FBXL17: variants seen among roughly 807,000 people sequenced by gnomAD.
The protein encoded by FBXL17 is F-box and leucine rich repeat protein 17.
In FBXL17, 22 loss-of-function variants were observed where a neutral mutation model predicts 66.2. The observed-to-expected ratio is 0.33, with a 90% CI of 0.24 to 0.47. FBXL17 has a LOEUF of 0.47. Among genes scored for constraint, FBXL17 ranks in the 20% least tolerant of loss-of-function variants. The pLI, the probability that FBXL17 is intolerant of heterozygous loss-of-function variation, is 1.00. For synonymous variants in FBXL17, 474 were observed against 400.5 expected, an observed-to-expected ratio of 1.18 and a Z score of -2.19; for missense variants, 878 against 948.2, an observed-to-expected ratio of 0.93 and a Z score of 0.97.
At chr5:108,357,246 G>C (rs1279882454) in intron 3 of FBXL17, among the ~76,000 whole-genome samples, 2 of 152,042 alleles carry the variant, frequency 1.3e-5, no homozygotes, top group Non-Finnish European at 2.9e-5. Context: ...GGGATAAAGA[G>C]GGACATACAT....
At chr5:107,888,110 C>CA (rs1157870859) in intron 7 of FBXL17, among the ~76,000 whole-genome samples, 1 of 152,180 alleles carries the variant, frequency 6.6e-6, no homozygotes, top group Non-Finnish European at 1.5e-5. Flanking sequence ...ACACTGACCA[C>CA]ACTCTAAAAC....
At chr5:108,349,430 G>GA (rs1171074431) in intron 3 of FBXL17, among the ~76,000 whole-genome samples, 48 of 150,520 alleles carry the variant, frequency 3.2e-4, no homozygotes, top group Non-Finnish European at 6.7e-4. Flanking sequence ...GCTTTTGTAA[G>GA]AAAAAAAAAC....
At chr5:108,102,353 T>C (rs561112806) in intron 6 of FBXL17, among the ~76,000 whole-genome samples, 1 of 152,332 alleles carries the variant, frequency 6.6e-6, no homozygotes, top group African/African-American at 2.4e-5. Flanking sequence ...ACTTTATGTC[T>C]ATCATATTTT....
At chr5:107,985,280 T>G (rs1181715827) in intron 7 of FBXL17, among the ~76,000 whole-genome samples, 1 of 152,186 alleles carries the variant, frequency 6.6e-6, no homozygotes, top group African/African-American at 2.4e-5. Flanking sequence ...CCTATTTCAG[T>G]TTTTGAAAGA....
chr5:107,992,873 A>G (rs1048566424), intron 7 of FBXL17, among the ~76,000 whole-genome samples: 3 of 151,986 alleles, frequency 2.0e-5, no homozygotes, highest in Non-Finnish European at 4.4e-5. Flanking sequence ...ACCCAGCATA[A>G]CAATAATTAC....
At chr5:108,104,117 C>T (rs902283501) in intron 6 of FBXL17, among the ~76,000 whole-genome samples, 6 of 152,138 alleles carry the variant, frequency 3.9e-5, no homozygotes, top group Admixed American at 3.3e-4. Context: ...CTCACTGCAA[C>T]CTCCACCTCC....
chr5:107,911,386 A>T (rs1385698508), intron 7 of FBXL17, among the ~76,000 whole-genome samples: 1 of 152,148 alleles, frequency 6.6e-6, no homozygotes, highest in Non-Finnish European at 1.5e-5. Flanking sequence ...TAAAGACTTA[A>T]ACCTTAAAAG....
At chr5:108,211,400 G>T (rs1458622068) in intron 5 of FBXL17, among the ~76,000 whole-genome samples, 2 of 152,172 alleles carry the variant, frequency 1.3e-5, no homozygotes, top group African/African-American at 4.8e-5. Flanking sequence ...CTCGTTAGTT[G>T]ATGGAGTTTC....
At chr5:108,364,429 C>T (rs1316633717) in intron 3 of FBXL17, among the ~76,000 whole-genome samples, 5 of 151,858 alleles carry the variant, frequency 3.3e-5, no homozygotes, top group Admixed American at 3.3e-4. Context: ...TTTAAAACCT[C>T]ATGCTGACCA....
At chr5:107,873,167 C>T (rs944152183) in intron 8 of FBXL17, among the ~76,000 whole-genome samples, 14 of 152,254 alleles carry the variant, frequency 9.2e-5, no homozygotes, top group Admixed American at 2.6e-4. Context: ...TAGAGGACCA[C>T]AGCTGAAAGC....
intron 7 of FBXL17, among the ~76,000 whole-genome samples, chr5:107,981,959 A>C (rs1478377681): frequency 6.6e-6 from 1 of 152,186 alleles, no homozygotes; most frequent in African/African-American, 2.4e-5. Flanking sequence ...AGAGGTCTAA[A>C]CTAAGGCTGA....
rs572569365 is a variant in FBXL17 at position 108,086,644 on chromosome 5, C to T, written c.1746-65643G>A. On this transcript the variant is annotated intron_variant, in intron 6 of 8. Transcript: ENST00000542267. Reference sequence around the variant, plus strand: ...CATGATCTCCGATCACTGCGACCTCCGCCTCCTGGGTTCAAGTGATTCTCC... The same window carrying T: ...CATGATCTCCGATCACTGCGACCTCTGCCTCCTGGGTTCAAGTGATTCTCC... Among the ~76,000 whole-genome samples the T allele has an allele frequency of 6.6e-5, 10 of 152,168 alleles. No individual in the cohort carries two copies. The South Asian group carries it at 1.7e-3, about 25-fold the overall frequency.
At chr5:107,867,971 T>C (rs920322627) in intron 8 of FBXL17, among the ~76,000 whole-genome samples, 1 of 152,204 alleles carries the variant, frequency 6.6e-6, no homozygotes, top group Non-Finnish European at 1.5e-5. Context: ...TTGAAAACAA[T>C]TTGTTAATAT....
At chr5:108,293,350 AAAAC>A (rs1417351732) in intron 4 of FBXL17, among the ~76,000 whole-genome samples, 1 of 152,182 alleles carries the variant, frequency 6.6e-6, no homozygotes, top group Admixed American at 6.5e-5. Flanking sequence ...TTTCACATCT[AAAAC>A]AAAGTGTGAA....
intron 7 of FBXL17, among the ~76,000 whole-genome samples, chr5:107,896,578 T>G (rs1749390790): frequency 6.6e-6 from 1 of 152,180 alleles, no homozygotes; most frequent in African/African-American, 2.4e-5. Flanking sequence ...GTCTATTTTT[T>G]TATCATGTTT....
intron 4 of FBXL17, among the ~76,000 whole-genome samples, chr5:108,330,353 T>C (rs1271595058): frequency 6.6e-6 from 1 of 152,210 alleles, no homozygotes; most frequent in Non-Finnish European, 1.5e-5. Flanking sequence ...CCATTTTATC[T>C]TTAAAAAATT....
chr5:108,277,625 A>G (rs1326387617), intron 4 of FBXL17, among the ~76,000 whole-genome samples: 1 of 152,226 alleles, frequency 6.6e-6, no homozygotes, highest in African/African-American at 2.4e-5. Context: ...AAGAGCTTAG[A>G]GTTCTCTCAG....
At chr5:108,365,677 G>C (rs1413349584) in intron 2 of FBXL17, among the ~76,000 whole-genome samples, 3 of 152,108 alleles carry the variant, frequency 2.0e-5, no homozygotes, top group Non-Finnish European at 4.4e-5. Context: ...GAGAAGTTCA[G>C]GTGGCTTCTG....
At chr5:108,123,711 T>G (rs571389089) in intron 6 of FBXL17, among the ~76,000 whole-genome samples, 1 of 152,276 alleles carries the variant, frequency 6.6e-6, no homozygotes, top group South Asian at 2.1e-4. Flanking sequence ...CCTATTTCTG[T>G]GTTCTTGTCT....
Sources: gnomAD v4.1 joint callset for allele counts (sites outside exome capture counted in the v4.1 genomes callset) on GRCh38, gnomAD v4.1.1 for gene constraint, MANE v1.5 for transcripts, NCBI Gene and HGNC (gene_info 2026-07-23, HGNC 2026-07-21) for gene names.